The following PRMT9 variants were observed in gnomAD, a reference collection of about 807,000 sequenced individuals.
PRMT9 encodes the protein protein arginine methyltransferase 9.
In PRMT9, 59 loss-of-function variants were observed where a neutral mutation model predicts 83.2. The ratio of observed to expected loss-of-function variants is 0.71; its 90% CI spans 0.57 to 0.88. The LOEUF is 0.88. Ranked by LOEUF, PRMT9 falls within the 40% of genes least tolerant of loss-of-function variation. The pLI is 0.00. For missense variants in PRMT9, 947 were observed against 1,021.9 expected (o/e 0.93, Z 1.00); for synonymous variants, 333 against 353.2 (o/e 0.94, Z 0.64).
At chr4:147,679,462 T>C (rs1425652692) in intron 2 of PRMT9, among the ~76,000 whole-genome samples, 2 of 149,016 alleles carry the variant, frequency 1.3e-5, no homozygotes, top group Admixed American at 6.7e-5. Context: ...AAAAAAGTGC[T>C]GGAGGCCAGG....
At position 147,646,666 on chromosome 4, in the gene PRMT9, G is replaced by T. The variant is rs1334822497; in HGVS notation, c.2046-3726C>A. On this transcript the variant is annotated intron_variant, in intron 9 of 11. Transcript: ENST00000322396. The stretch of plus-strand genomic sequence containing the variant: ...CAAAGTGGTGGTGGGCTGGGGAGGG[G>T]GGGGAGGGGGGTGCAGGGAGGAGGT... 8.6e-5 allele frequency among the ~76,000 whole-genome samples: 13 copies of T among 150,894 alleles called. No homozygotes were observed. In the East Asian group the frequency reaches 2.3e-3, roughly 27 times the overall value.
intron 6 of PRMT9, among the ~76,000 whole-genome samples, chr4:147,661,587 G>A (rs912535728): frequency 6.6e-6 from 1 of 151,804 alleles, no homozygotes; most frequent in Non-Finnish European, 1.5e-5. Flanking sequence ...TCAGGAGATC[G>A]AGACCATCCT....
chr4:147,653,810 C>CAAA, intron 9 of PRMT9, 42 bp downstream of exon 9: 1 of 1,223,630 alleles, frequency 8.2e-7, no homozygotes, highest in Non-Finnish European at 1.1e-6. Context: ...AATCTGACCT[C>CAAA]AAAAAAAAAA....
Position 147,673,662 on chromosome 4 carries a change from A to G in PRMT9, c.551T>C (p.Ile184Thr). The G allele has an allele frequency of 6.2e-7, 1 of 1,611,392 alleles. No individual in the cohort carries two copies. The highest frequency in any genetic ancestry group is 8.5e-7 in the Non-Finnish European group (1 of 1,177,514). Residue 184 changes from isoleucine to threonine, a missense_variant, in exon 3 of 12, where the codon ATT becomes ACT. Ile to Thr is a moderately conservative substitution (Grantham distance 89). Transcript: ENST00000322396. ...CCTTAGTATTCCAGTTCCTGCTCCAATGTCCAAAACACTTTTGGACCCCAA... is the reference window on the plus strand; with the variant it reads ...CCTTAGTATTCCAGTTCCTGCTCCAGTGTCCAAAACACTTTTGGACCCCAA... Reference protein sequence around the residue: ...VCLGSKSVLDIGAGTGILSMF... With the variant: ...VCLGSKSVLDTGAGTGILSMF...
At chr4:147,672,082 AAC>A (rs1425532338) in intron 4 of PRMT9, 1 of 342,356 alleles carries the variant, frequency 2.9e-6, no homozygotes, top group Admixed American at 4.1e-5. Context: ...GCCCAAGTGG[AAC>A]AAGACAACTG....
At position 147,639,090 on chromosome 4, in the gene PRMT9, A is replaced by G. The variant is rs1242447801; in HGVS notation, c.2200-8T>C. ...AAATACACGTATAGGTACCTAGAGA[A>G]AGTATAAATTTTTCACTTTCACTTT... On this transcript the variant is annotated splice_region_variant and splice_polypyrimidine_tract_variant and intron_variant, in intron 10 of 11. Transcript: ENST00000322396. The G allele has an allele frequency of 2.5e-6, 4 of 1,613,210 alleles. No individual in the cohort carries two copies. The highest frequency in any genetic ancestry group is 2.5e-6 in the Non-Finnish European group (3 of 1,179,398).
chr4:147,664,898 T>TG (rs1735219188), intron 6 of PRMT9, among the ~76,000 whole-genome samples: 1 of 151,936 alleles, frequency 6.6e-6, no homozygotes, highest in African/African-American at 2.4e-5. Flanking sequence ...GCAGATCACC[T>TG]GAGGTCGGGA....
chr4:147,647,289 G>C (rs923735232), intron 9 of PRMT9, among the ~76,000 whole-genome samples: 1 of 152,038 alleles, frequency 6.6e-6, no homozygotes, highest in Non-Finnish European at 1.5e-5. Flanking sequence ...ATTGGTCTTT[G>C]AGACATTTTT....
intron 2 of PRMT9, among the ~76,000 whole-genome samples, chr4:147,676,165 G>C (rs1200253119): frequency 6.6e-6 from 1 of 152,170 alleles, no homozygotes; most frequent in Non-Finnish European, 1.5e-5. Context: ...TTGTCTCAAT[G>C]ACTGGTAACT....
At chr4:147,656,054 T>C (rs1348499711) in intron 8 of PRMT9, among the ~76,000 whole-genome samples, 1 of 152,126 alleles carries the variant, frequency 6.6e-6, no homozygotes, top group Non-Finnish European at 1.5e-5. Context: ...CATCCCGTTT[T>C]TATATATGAT....
intron 9 of PRMT9, among the ~76,000 whole-genome samples, chr4:147,649,783 G>A (rs1396518192): frequency 6.6e-6 from 1 of 152,158 alleles, no homozygotes; most frequent in African/African-American, 2.4e-5. Flanking sequence ...GGCATTACAG[G>A]CATGAGCCAC....
At chr4:147,640,743 A>C (rs1733340453) in intron 10 of PRMT9, among the ~76,000 whole-genome samples, 1 of 152,160 alleles carries the variant, frequency 6.6e-6, no homozygotes, top group Non-Finnish European at 1.5e-5. Context: ...TTTTAGAGAC[A>C]GGGTCAGTCT....
intron 7 of PRMT9, among the ~76,000 whole-genome samples, chr4:147,659,093 G>A (rs1024729469): frequency 2.3e-4 from 35 of 150,902 alleles, no homozygotes; most frequent in Non-Finnish European, 3.1e-4. Context: ...GCAGGAGAAT[G>A]GCGTGAACCC....
chr4:147,668,634 T>A lies in PRMT9; in HGVS notation c.858A>T (p.Glu286Asp), dbSNP rs1168181051. 1.3e-5 allele frequency: 21 copies of A among 1,603,680 alleles called. No individual in the cohort carries two copies. Among genetic ancestry groups the A allele is most frequent in the Non-Finnish European group, 1.8e-5 (21 of 1,170,972 alleles). The change falls in exon 6 of 12, where the codon GAA becomes GAT. Residue 286 changes from glutamate (E) to aspartate (D), a missense_variant. By Grantham distance (45) the Glu-to-Asp change is conservative. Transcript: ENST00000322396. ...TCCCATACTTTTCACAATTAGCACTTTCACCTTTGGTCTAAAAAAAATAAC... is the reference window on the plus strand; with the variant it reads ...TCCCATACTTTTCACAATTAGCACTATCACCTTTGGTCTAAAAAAAATAAC... The part of the protein sequence containing the change: ...HLLLQPKTKG[E>D]SANCEKYGKV...
chr4:147,651,097 C>T (rs1285699240), intron 9 of PRMT9, among the ~76,000 whole-genome samples: 1 of 149,934 alleles, frequency 6.7e-6, no homozygotes, highest in Non-Finnish European at 1.5e-5. Flanking sequence ...AGTGAGACTC[C>T]ATCTCAAAAA....
chr4:147,662,757 T>C (rs1358815103), intron 6 of PRMT9, among the ~76,000 whole-genome samples: 1 of 151,688 alleles, frequency 6.6e-6, no homozygotes, highest in Non-Finnish European at 1.5e-5. Context: ...TATGATCACA[T>C]CACTGCACTC....
chr4:147,679,559 C>T (rs576957751), intron 2 of PRMT9, among the ~76,000 whole-genome samples: 1 of 152,136 alleles, frequency 6.6e-6, no homozygotes, highest in East Asian at 1.9e-4. Context: ...ACCAGCCTGG[C>T]CAACATGGTG....
intron 1 of PRMT9, 75 bp from the exon 2 acceptor site, chr4:147,680,546 A>G (rs146608322): frequency 8.0e-6 from 9 of 1,130,994 alleles, no homozygotes; most frequent in Non-Finnish European, 1.0e-5. Context: ...TTAGTTGAAG[A>G]TTCCAAGCAA....
intron 7 of PRMT9, 93 bp from the exon 8 acceptor site, chr4:147,658,068 T>A: frequency 1.1e-6 from 1 of 869,684 alleles, no homozygotes; most frequent in South Asian, 1.4e-5. Context: ...GAGTTCTTAG[T>A]CCTGCCCAGC....
Sources: gnomAD v4.1 joint callset for allele counts (sites outside exome capture counted in the v4.1 genomes callset) on GRCh38, gnomAD v4.1.1 for gene constraint, MANE v1.5 for transcripts, NCBI Gene and HGNC (gene_info 2026-07-23, HGNC 2026-07-21) for gene names.